The following MDN1 variants were observed in gnomAD, a reference collection of about 807,000 sequenced individuals.
The protein encoded by MDN1 is midasin.
Under a neutral mutation model 669.2 loss-of-function variants are expected in MDN1, and 266 were observed. The ratio of observed to expected loss-of-function variants is 0.40; its 90% confidence interval spans 0.36 to 0.44. MDN1 has a LOEUF of 0.44. Ranked by LOEUF, MDN1 falls within the 20% of genes least tolerant of loss-of-function variation. The pLI is 1.00. For synonymous variants in MDN1, 2,385 were observed against 2,457.1 expected (o/e 0.97, Z 0.87); for missense variants, 5,940 against 6,754.0 (o/e 0.88, Z 4.22).
At position 89,732,720 on chromosome 6, in the gene MDN1, C is replaced by T. The variant is rs778213521; in HGVS notation, c.4779G>A (p.Glu1593=). 1 of 1,614,132 alleles carries T rather than the reference C, an allele frequency of 6.2e-7. No individual in the cohort carries two copies. Among genetic ancestry groups the T allele is most frequent in the Admixed American group, 1.7e-5 (1 of 60,014 alleles). ...TACTGACCACACACTTTCTGCCAAACTCTTGGTGGGTCAGCCAGTCAATGA... is the reference window on the plus strand; with the variant it reads ...TACTGACCACACACTTTCTGCCAAATTCTTGGTGGGTCAGCCAGTCAATGA... ...LDFIDWLTHQ[E]FGRKCVVSIR... is the part of the protein sequence containing the mutation. The change falls in exon 34 of 102, where the codon GAG becomes GAA. Residue 1593 remains glutamate (E), a synonymous_variant. Transcript: ENST00000369393.
intron 2 of MDN1, 103 bp from the exon 3 acceptor site, chr6:89,794,904 T>G: frequency 1.1e-6 from 1 of 917,454 alleles, no homozygotes; most frequent in Non-Finnish European, 1.7e-6. Flanking sequence ...ATTTTCAACT[T>G]AAGCTATTTT....
At chr6:89,667,876 A>T (rs1584130758) in intron 84 of MDN1, 138 bp downstream of exon 84, 1 of 971,932 alleles carries the variant, frequency 1.0e-6, no homozygotes, top group East Asian at 2.7e-5. Context: ...CCACTGCCGA[A>T]GCACCAATAT....
intron 2 of MDN1, among the ~76,000 whole-genome samples, chr6:89,796,330 A>AC (rs2128327675): frequency 1.0e-5 from 1 of 99,900 alleles, no homozygotes; most frequent in African/African-American, 2.9e-5. Context: ...GTCTCAAAAA[A>AC]AAAAAAAAAA....
At chr6:89,668,264 C>T in intron 83 of MDN1, 113 bp from the exon 84 acceptor site, 1 of 1,310,630 alleles carries the variant, frequency 7.6e-7, no homozygotes, top group Non-Finnish European at 1.0e-6. Context: ...CTTTTTCTAG[C>T]TCATTATCTT....
Position 89,674,117 on chromosome 6 carries a change from G to A in MDN1, c.13234C>T (p.Leu4412Phe). Residue 4412 changes from leucine to phenylalanine, a missense_variant, in exon 79 of 102, where the codon CTC (leucine) becomes TTC (phenylalanine). Coordinates refer to ENST00000369393, the MANE Select transcript of MDN1 (RefSeq NM_014611.3). ...AGACACACTTACCAAGAATGAAAGA[G>A]AGTCTCACAAGACTGCTGTCTAATT... is the stretch of plus-strand genomic sequence containing the variant. Reference protein sequence around the residue: ...DKIRQQSCETLFHSWKDFEVC... With the variant: ...DKIRQQSCETFFHSWKDFEVC... The A allele has an allele frequency of 6.2e-7, 1 of 1,613,958 alleles. No homozygotes were observed. Among genetic ancestry groups the A allele is most frequent in the Non-Finnish European group, 8.5e-7 (1 of 1,179,858 alleles).
intron 18 of MDN1, 44 bp downstream of exon 18, chr6:89,758,772 C>T (rs1366590693): frequency 3.1e-6 from 5 of 1,606,420 alleles, no homozygotes; most frequent in Middle Eastern, 1.7e-4. Flanking sequence ...AAAGTGGCCA[C>T]AGGGCTTGAC....
intron 38 of MDN1, 46 bp downstream of exon 38, chr6:89,725,152 TC>T (rs754488919): frequency 1.9e-6 from 3 of 1,550,888 alleles, no homozygotes; most frequent in Non-Finnish European, 2.7e-6. Context: ...AGTAGTCTTA[TC>T]CCCTCCGAGT....
chr6:89,744,410 AT>A (rs1816476631), intron 29 of MDN1, among the ~76,000 whole-genome samples: 1 of 151,890 alleles, frequency 6.6e-6, no homozygotes, highest in African/African-American at 2.4e-5. Context: ...GTGAGACTCC[AT>A]CTTTTTTTTA....
At chr6:89,810,787 C>T (rs57989868) in intron 1 of MDN1, among the ~76,000 whole-genome samples, 28,987 of 151,942 alleles carry the variant, frequency 0.19, 2,885 homozygotes, top group African/African-American at 0.25. Flanking sequence ...CACTTGAGGT[C>T]GGGAGTTAGA....
At position 89,687,354 on chromosome 6, in the gene MDN1, G is replaced by A. The variant is rs765591528; in HGVS notation, c.11440C>T (p.Leu3814=). 5 of 1,613,792 alleles carry A rather than the reference G, an allele frequency of 3.1e-6. No individual in the cohort carries two copies. Among genetic ancestry groups the A allele is most frequent in the South Asian group, 1.1e-5 (1 of 91,056 alleles). ...AGGAGAGTCACTTACTTCAGCTCCA[G>A]TTTACGCCACCGAATGATCATCTGA... The part of the protein sequence containing the change: ...ISQMIIRWRK[L]ELNCWSMSLD... Residue 3814 remains leucine (L), a synonymous_variant, in exon 68 of 102, where the codon CTG becomes TTG. Transcript: ENST00000369393.
At chr6:89,682,999 A>T in intron 73 of MDN1, 133 bp downstream of exon 73, 1 of 885,298 alleles carries the variant, frequency 1.1e-6, no homozygotes, top group South Asian at 1.8e-5. Flanking sequence ...AGGCAAATAC[A>T]TGCTATATAT....
At position 89,762,326 on chromosome 6, in the gene MDN1, A is replaced by G; in HGVS notation, c.2349T>C (p.Ser783=). ...KSAVNKDGKD[S]ETGLLIKEKW... ...CCTGGGTCACATCCTTACCAGTTTC[A>G]CTGTCTTTTCCATCCTTGTTAACAG... Residue 783 remains serine, a synonymous_variant, in exon 16 of 102, where the codon AGT becomes AGC. Coordinates refer to ENST00000369393, the MANE Select transcript of MDN1 (RefSeq NM_014611.3). The G allele has an allele frequency of 6.2e-7, 1 of 1,613,580 alleles. No homozygotes were observed. Among genetic ancestry groups the G allele is most frequent in the Non-Finnish European group, 8.5e-7 (1 of 1,179,734 alleles).
chr6:89,731,503 A>C (rs1420693531), intron 34 of MDN1, among the ~76,000 whole-genome samples: 1 of 152,130 alleles, frequency 6.6e-6, no homozygotes, highest in Non-Finnish European at 1.5e-5. Context: ...GCAAACTAAC[A>C]CAGGAACAGA....
intron 1 of MDN1, among the ~76,000 whole-genome samples, chr6:89,806,454 C>T (rs976811347): frequency 5.3e-5 from 8 of 151,908 alleles, no homozygotes; most frequent in African/African-American, 1.7e-4. Context: ...TGGTGGCTCA[C>T]GCCTATAAAC....
In MDN1 at chr6:89,701,884, A is replaced by T; in HGVS notation, c.8306+20T>A. On this transcript the variant is annotated intron_variant, in intron 54 of 101. Transcript: ENST00000369393. The stretch of plus-strand genomic sequence containing the variant: ...TCTATCTGTAATCATTGACATTATT[A>T]CTCTAAATATGAATCTTACTTGTCT... 6.2e-7 allele frequency: 1 copy of T among 1,601,248 alleles called. No individual in the cohort carries two copies. Among genetic ancestry groups the T allele is most frequent in the Middle Eastern group, 1.7e-4 (1 of 5,878 alleles).
chr6:89,653,158 A>AT lies in MDN1; in HGVS notation c.15662-4dup. On this transcript the variant is annotated splice_region_variant and splice_polypyrimidine_tract_variant and intron_variant, in intron 93 of 101. Transcript: ENST00000369393. ...CTCCACTTCCATCTCATCAAAGCCT[A>AT]TTTTCATTTAAGGACATAATTTTAC... 6.2e-7 allele frequency: 1 copy of AT among 1,606,082 alleles called. No individual in the cohort carries two copies. Among genetic ancestry groups the AT allele is most frequent in the South Asian group, 1.1e-5 (1 of 88,844 alleles).
Position 89,723,076 on chromosome 6 carries a change from C to T in MDN1, c.5846G>A (p.Arg1949Gln), listed in dbSNP as rs745534943. ...CAACTGACACCAGCGGAAAAGGTCCCGGAGGTTGAATTCCCAGGGTCCTCC... is the reference window on the plus strand; with the variant it reads ...CAACTGACACCAGCGGAAAAGGTCCTGGAGGTTGAATTCCCAGGGTCCTCC... Reference protein sequence around the residue: ...QKGGPWEFNLRDLFRWCQLML... With the variant: ...QKGGPWEFNLQDLFRWCQLML... Residue 1949 changes from arginine to glutamine, a missense_variant, in exon 40 of 102, where the codon CGG (arginine) becomes CAG (glutamine). Transcript: ENST00000369393. 5 of 1,614,114 alleles carry T rather than the reference C, an allele frequency of 3.1e-6. No individual in the cohort carries two copies. The highest frequency in any genetic ancestry group is 1.1e-5 in the South Asian group (1 of 91,080).
chr6:89,657,572 G>A (rs1282948205), intron 90 of MDN1, among the ~76,000 whole-genome samples: 1 of 152,222 alleles, frequency 6.6e-6, no homozygotes, highest in African/African-American at 2.4e-5. Context: ...ATTGCCTGAA[G>A]TCTAAATTCC....
chr6:89,785,186 G>A (rs1818893446), intron 8 of MDN1, 60 bp from the exon 9 acceptor site: 1 of 1,126,440 alleles, frequency 8.9e-7, no homozygotes, highest in South Asian at 1.2e-5. Context: ...CCTGAATTGT[G>A]CCTCTGGATA....
Sources: gnomAD v4.1 joint callset for allele counts (sites outside exome capture counted in the v4.1 genomes callset) on GRCh38, gnomAD v4.1.1 for gene constraint, MANE v1.5 for transcripts, NCBI Gene and HGNC (gene_info 2026-07-23, HGNC 2026-07-21) for gene names.